The following DNAH17 variants were observed in gnomAD, a reference collection of about 807,000 sequenced individuals.
The protein encoded by DNAH17 is dynein axonemal heavy chain 17.
A neutral mutation model predicts 485.6 loss-of-function variants in DNAH17; 376 were observed. That is an observed-to-expected ratio of 0.77 (90% CI 0.71 to 0.84). The LOEUF (loss-of-function observed/expected upper bound fraction) is 0.84, where lower values mean the gene tolerates loss of function less well. DNAH17 is among the 40% of genes least tolerant of loss of function. The probability of loss-of-function intolerance (pLI) is 0.00; values close to 1 mark genes in which losing one functional copy is unlikely to be tolerated. For missense variants in DNAH17, 6,370 were observed against 5,839.3 expected (o/e 1.09, Z -2.96); for synonymous variants, 3,031 against 2,405.9 (o/e 1.26, Z -7.60).
In DNAH17 at chr17:78,468,631, G is replaced by C; in HGVS notation, c.8764C>G (p.Arg2922Gly). The C allele has an allele frequency of 6.2e-7, 1 of 1,613,178 alleles. No homozygotes were observed. Residue 2922 changes from arginine to glycine, a missense_variant, in exon 55 of 81, where the codon CGC (arginine) becomes GGC (glycine). Transcript: ENST00000389840. ...TCWKFFIEKV[R>G]RQLKVILCFS... ...GGGAGCCCCACCTTGAGCTGTCTGC[G>C]CACTTTTTCGATGAAGAACTTCCAA...
At chr17:78,451,041 G>C (rs998643007) in intron 66 of DNAH17, among the ~76,000 whole-genome samples, 195 bp from the exon 67 acceptor site, 2 of 152,370 alleles carry the variant, frequency 1.3e-5, no homozygotes, top group East Asian at 3.9e-4. Flanking sequence ...CCAGCCTTGA[G>C]GCTTCCTGTC....
chr17:78,563,450 T>C (rs574487668), intron 11 of DNAH17, among the ~76,000 whole-genome samples: 5 of 151,840 alleles, frequency 3.3e-5, no homozygotes, highest in Admixed American at 2.6e-4. Flanking sequence ...GTAATGCGGG[T>C]AGATGTTTTA....
chr17:78,480,815 T>C (rs374332756), intron 48 of DNAH17, 29 bp from the exon 49 acceptor site: 1 of 1,559,142 alleles, frequency 6.4e-7, no homozygotes, highest in Non-Finnish European at 8.8e-7. Context: ...ATTCATGTTG[T>C]GCCCCTGGCC....
Position 78,425,382 on chromosome 17 carries a change from G to C in DNAH17, c.13105C>G (p.Arg4369Gly), listed in dbSNP as rs774915664. The C allele has an allele frequency of 6.2e-7, 1 of 1,613,994 alleles. No individual in the cohort carries two copies. Among genetic ancestry groups the C allele is most frequent in the Non-Finnish European group, 8.5e-7 (1 of 1,179,892 alleles). ...KNREDMTAPP[R>G]EGSYVYGLFM... ...AGTCCGTACACGTAGGAGCCCTCTC[G>C]CGGAGGAGCGGTCATGTCCTCTCGG... is the stretch of plus-strand genomic sequence containing the variant. Residue 4369 changes from arginine to glycine, a missense_variant, in exon 80 of 81, where the codon CGA becomes GGA. Transcript: ENST00000389840.
intron 51 of DNAH17, among the ~76,000 whole-genome samples, chr17:78,478,086 C>CATT (rs2089148166): frequency 6.7e-6 from 1 of 148,652 alleles, no homozygotes. Context: ...CCATCATCAC[C>CATT]ATCACCACCA....
chr17:78,481,228 G>A (rs1373881773), intron 48 of DNAH17, among the ~76,000 whole-genome samples: 4 of 149,350 alleles, frequency 2.7e-5, no homozygotes, highest in East Asian at 2.0e-4. Flanking sequence ...TCAGCCTCCC[G>A]AGTAGCTGAG....
At position 78,494,714 on chromosome 17, in the gene DNAH17, G is replaced by A. The variant is rs778534945; in HGVS notation, c.6149C>T (p.Ala2050Val). 6.1e-5 allele frequency: 98 copies of A among 1,613,722 alleles called. No homozygotes were observed. Among genetic ancestry groups the A allele is most frequent in the East Asian group, 5.8e-4 (26 of 44,886 alleles). The change falls in exon 40 of 81, where the codon GCG becomes GTG. Residue 2050 changes from alanine to valine, a missense_variant. Ala to Val is a moderately conservative substitution (Grantham distance 64). Transcript: ENST00000389840. ...CTTGGGGATGTTGAAGTCTCTCAGCGCCCGCATGAGCACCTGGTCCTCTGC... is the reference window on the plus strand; with the variant it reads ...CTTGGGGATGTTGAAGTCTCTCAGCACCCGCATGAGCACCTGGTCCTCTGC... ...SRAEDQVLMR[A>V]LRDFNIPKIV... is the part of the protein sequence containing the mutation.
chr17:78,425,158 A>AT (rs1382011235), intron 80 of DNAH17, 188 bp downstream of exon 80: 1 of 599,542 alleles, frequency 1.7e-6, no homozygotes, highest in African/African-American at 1.9e-5. Flanking sequence ...CATTCCCTGA[A>AT]TCCTCTCAAC....
chr17:78,485,418 G>A (rs572498688), intron 47 of DNAH17, 132 bp downstream of exon 47: 5 of 872,416 alleles, frequency 5.7e-6, no homozygotes, highest in East Asian at 2.7e-5. Flanking sequence ...AAAGGCCAGC[G>A]GGTGGGGCAT....
Position 78,571,884 on chromosome 17 carries a change from G to C in DNAH17, c.540-102C>G, listed in dbSNP as rs2092363779. On this transcript the variant is annotated intron_variant, in intron 3 of 80. Transcript: ENST00000389840. ...TCTGCCCACCAATCCCAAACCACCAGCAGCAGCACCGTCTGGTCTCATGTC... is the reference window on the plus strand; with the variant it reads ...TCTGCCCACCAATCCCAAACCACCACCAGCAGCACCGTCTGGTCTCATGTC... 6 of 1,160,750 alleles carry C rather than the reference G, an allele frequency of 5.2e-6. No homozygotes were observed. The East Asian group carries it at 1.5e-4, about 29-fold the overall frequency. 71.9% of individuals were successfully genotyped at this position (1,160,750 alleles called of 1,614,324 possible). A position where few individuals can be genotyped will look rare whatever the true frequency, so the allele number is the denominator to read the frequency against.
At chr17:78,524,844 C>T (rs561984181) in intron 25 of DNAH17, among the ~76,000 whole-genome samples, 165 bp downstream of exon 25, 111 of 152,320 alleles carry the variant, frequency 7.3e-4, no homozygotes, top group African/African-American at 2.6e-3. Context: ...AGCGGAGGGA[C>T]CCCACCTCGC....
intron 17 of DNAH17, among the ~76,000 whole-genome samples, chr17:78,542,049 G>T (rs12603471): frequency 6.6e-6 from 1 of 151,156 alleles, no homozygotes; most frequent in African/African-American, 2.4e-5. Context: ...GTGGCCTGCT[G>T]GTCTGTCTAG....
At chr17:78,434,001 C>T in intron 75 of DNAH17, 28 bp downstream of exon 75, 1 of 1,360,330 alleles carries the variant, frequency 7.4e-7, no homozygotes, top group Non-Finnish European at 9.6e-7. Flanking sequence ...GGGATATGTC[C>T]AAGTACAGGG....
intron 16 of DNAH17, 71 bp downstream of exon 16, chr17:78,551,464 G>A (rs551430709): frequency 6.1e-5 from 88 of 1,438,560 alleles, no homozygotes; most frequent in Admixed American, 2.1e-4. Flanking sequence ...GGGCCTCTAC[G>A]TAGCCTGGTT....
chr17:78,460,718 C>T (rs1961903960), intron 58 of DNAH17, among the ~76,000 whole-genome samples: 1 of 152,210 alleles, frequency 6.6e-6, no homozygotes. Context: ...TCGGCTTGAG[C>T]TTCCAAGACT....
At chr17:78,551,280 T>C (rs2091895632) in intron 16 of DNAH17, among the ~76,000 whole-genome samples, 1 of 152,232 alleles carries the variant, frequency 6.6e-6, no homozygotes, top group South Asian at 2.1e-4. Context: ...CCCTTGCTAC[T>C]GGCACTGGCC....
At chr17:78,427,236 T>A in intron 77 of DNAH17, 128 bp from the exon 78 acceptor site, 1 of 901,000 alleles carries the variant, frequency 1.1e-6, no homozygotes, top group African/African-American at 1.7e-5. Flanking sequence ...GCAAGTAGAG[T>A]TGCCAGAAAT....
intron 47 of DNAH17, 61 bp from the exon 48 acceptor site, chr17:78,485,094 G>C (rs2146643617): frequency 6.6e-7 from 1 of 1,517,638 alleles, no homozygotes; most frequent in African/African-American, 1.4e-5. Flanking sequence ...CTGTTAGGTA[G>C]GGAGGGGCGC....
At chr17:78,566,501 G>C in intron 11 of DNAH17, 113 bp downstream of exon 11, 4 of 776,126 alleles carry the variant, frequency 5.2e-6, no homozygotes, top group Non-Finnish European at 8.4e-6. Flanking sequence ...CTCCCTCCCT[G>C]GACATCAGCT....
Sources: allele counts gnomAD v4.1 joint callset (sites outside exome capture counted in the v4.1 genomes callset), GRCh38; gene constraint gnomAD v4.1.1; transcripts MANE v1.5; gene names NCBI Gene and HGNC (gene_info 2026-07-23, HGNC 2026-07-21).